The following KHDC4 variants were observed in gnomAD, a reference collection of about 807,000 sequenced individuals.
KHDC4 encodes the protein KH domain containing 4, pre-mRNA splicing factor.
In KHDC4, 19 loss-of-function variants were observed where a neutral mutation model predicts 74.5. The observed-to-expected ratio is 0.26, with a 90% confidence interval of 0.18 to 0.37. The LOEUF (loss-of-function observed/expected upper bound fraction) is 0.37, where lower values mean the gene tolerates loss of function less well. Ranked by LOEUF, KHDC4 falls within the 10% of genes least tolerant of loss-of-function variation. The pLI, the probability that KHDC4 is intolerant of heterozygous loss-of-function variation, is 1.00. For missense variants in KHDC4, 632 were observed against 754.1 expected, an observed-to-expected ratio of 0.84 and a Z score of 1.90; for synonymous variants, 253 against 266.1, an observed-to-expected ratio of 0.95 and a Z score of 0.48.
intron 6 of KHDC4, chr1:155,926,193 A>T (rs1673990377): frequency 4.3e-5 from 19 of 439,646 alleles, no homozygotes; most frequent in South Asian, 3.5e-4. Context: ...AATATGAAGA[A>T]ATGTGTGATC....
intron 6 of KHDC4, among the ~76,000 whole-genome samples, chr1:155,926,293 GA>G (rs142320762): frequency 1.5e-3 from 210 of 143,104 alleles, no homozygotes; most frequent in African/African-American, 5.2e-3. Context: ...GGAATTTCAC[GA>G]TTTTTTTTTC....
chr1:155,921,761 G>C, intron 9 of KHDC4, 100 bp downstream of exon 9: 19 of 1,401,788 alleles, frequency 1.4e-5, no homozygotes, highest in Non-Finnish European at 1.9e-5. Context: ...AAATTAAAGG[G>C]AACATTAATA....
intron 13 of KHDC4, 36 bp from the exon 14 acceptor site, chr1:155,914,356 C>A (rs765503320): frequency 6.8e-7 from 1 of 1,467,038 alleles, no homozygotes; most frequent in South Asian, 1.2e-5. Context: ...ACCCCATCCC[C>A]GCCAAGGGAA....
Position 155,925,807 on chromosome 1 carries a change from C to A in KHDC4, c.718G>T (p.Glu240Ter). ...ACATTAAAAGTGGGTACAGCATGTT[C>A]TAGACCCACAAATAATTTATCTTGA... is the stretch of plus-strand genomic sequence containing the variant. ...YVQDKLFVGL[E>*]HAVPTFNVKE... The change falls in exon 7 of 14, where the codon GAA becomes TAA. Residue 240 changes from glutamate to a stop codon, truncating the protein, a stop_gained. Transcript: ENST00000368321. LOFTEE classifies it high-confidence loss of function. 1 of 1,614,002 alleles carries A rather than the reference C, an allele frequency of 6.2e-7. No individual in the cohort carries two copies. The highest frequency in any genetic ancestry group is 1.1e-5 in the South Asian group (1 of 91,066).
intron 6 of KHDC4, chr1:155,926,325 CTT>C (rs34342755): frequency 0.013 from 2,280 of 173,942 alleles, 2 homozygotes; most frequent in African/African-American, 0.022. Flanking sequence ...TTACTTGGCA[CTT>C]TTTTTTTTTT....
At chr1:155,931,419 C>A (rs1432831231) in intron 2 of KHDC4, among the ~76,000 whole-genome samples, 2 of 151,960 alleles carry the variant, frequency 1.3e-5, no homozygotes, top group African/African-American at 2.4e-5. Context: ...ACATGGCAAA[C>A]CCATCTCTTC....
chr1:155,925,153 A>G (rs1262296154), intron 7 of KHDC4, among the ~76,000 whole-genome samples: 7 of 151,440 alleles, frequency 4.6e-5, no homozygotes, highest in Non-Finnish European at 1.0e-4. Flanking sequence ...CAGCCTCCTG[A>G]GTAGCTGGGA....
At chr1:155,919,060 T>C (rs1344866966) in intron 10 of KHDC4, among the ~76,000 whole-genome samples, 2 of 144,186 alleles carry the variant, frequency 1.4e-5, no homozygotes, top group Non-Finnish European at 3.0e-5. Context: ...CTCTGACTCC[T>C]GGGTTCAAGC....
At chr1:155,932,475 T>C (rs1305002598) in intron 2 of KHDC4, 1 of 152,150 alleles carries the variant, frequency 6.6e-6, no homozygotes, top group Non-Finnish European at 1.5e-5. Context: ...GGTTTTATGA[T>C]TCTAAATCCA....
rs2102594590 is a variant in KHDC4, at chr1:155,913,417, G to A, written c.*704C>T. On this transcript the variant is annotated 3_prime_UTR_variant, in exon 14 of 14. Transcript: ENST00000368321. Reference sequence around the variant, plus strand: ...AGTTCTGACCAGTTTTAGTCAAGAAGTTTTCTCTGACCCAGCTGAAGACAG... The same window carrying A: ...AGTTCTGACCAGTTTTAGTCAAGAAATTTTCTCTGACCCAGCTGAAGACAG... The A allele has an allele frequency of 6.6e-6, 1 of 152,488 alleles. No individual in the cohort carries two copies. Among genetic ancestry groups the A allele is most frequent in the Admixed American group, 6.5e-5 (1 of 15,292 alleles). 9.4% of individuals were successfully genotyped at this position (152,488 alleles called of 1,614,324 possible). A position where few individuals can be genotyped will look rare whatever the true frequency, so the allele number is the denominator to read the frequency against.
intron 2 of KHDC4, 29 bp from the exon 3 acceptor site, chr1:155,929,869 G>C (rs752987748): frequency 2.0e-6 from 3 of 1,499,220 alleles, no homozygotes; most frequent in East Asian, 2.4e-5. Context: ...AGATTAAAAA[G>C]TTTTTATGAT....
chr1:155,929,588 C>T, intron 3 of KHDC4, 124 bp downstream of exon 3: 1 of 1,180,660 alleles, frequency 8.5e-7, no homozygotes, highest in Non-Finnish European at 1.2e-6. Flanking sequence ...AAATTAAACC[C>T]AATCCTGACT....
intron 1 of KHDC4, 147 bp downstream of exon 1, chr1:155,934,189 A>C: frequency 1.1e-6 from 1 of 914,694 alleles, no homozygotes; most frequent in Non-Finnish European, 1.6e-6. Context: ...TAAGGGCCCC[A>C]GGCCTGCTCA....
rs1228468375 is a variant in KHDC4 at position 155,933,814 on chromosome 1, G to A, written c.74C>T (p.Pro25Leu). The A allele has an allele frequency of 1.3e-6, 2 of 1,588,380 alleles. No homozygotes were observed. Among genetic ancestry groups the A allele is most frequent in the Non-Finnish European group, 1.7e-6 (2 of 1,166,124 alleles). Residue 25 changes from proline to leucine, a missense_variant, in exon 2 of 14, where the codon CCA (proline) becomes CTA (leucine). Physicochemically the swap from Pro to Leu is moderately conservative, Grantham distance 98. Around this residue, in one of 4 missense-constraint regions of KHDC4, gnomAD observed 104 missense variants for 78.1 expected, o/e 1.33. Coordinates refer to ENST00000368321, the MANE Select transcript of KHDC4 (RefSeq NM_014949.4). ...RSKWDQPAPA[P>L]LLFLPPAAPG... ...GGCCGCTGGCGGGAGGAAGAGAAGT[G>A]GGGCTGGAGCTGGTTGGTCCCATTT...
chr1:155,929,361 A>G lies in KHDC4; in HGVS notation c.399T>C (p.Ser133=). 5.6e-6 allele frequency: 9 copies of G among 1,613,626 alleles called. No individual in the cohort carries two copies. The highest frequency in any genetic ancestry group is 6.8e-6 in the Non-Finnish European group (8 of 1,179,766). The change falls in exon 4 of 14, where the codon AGT becomes AGC. Residue 133 remains serine, a synonymous_variant. Transcript: ENST00000368321. ...TCCCTCGAGTTGATACTGCAGCCCC[A>G]CTAAGTCGGCTGATCTAAAAAAGGA... is the stretch of plus-strand genomic sequence containing the variant. The part of the protein sequence containing the change: ...GQTQDEISRL[S]GAAVSTRGRF...
chr1:155,914,476 G>A, intron 13 of KHDC4, 156 bp from the exon 14 acceptor site: 1 of 606,700 alleles, frequency 1.6e-6, no homozygotes, highest in Non-Finnish European at 2.9e-6. Context: ...AAACGTTGAA[G>A]ATCACACGAA....
rs376340342 is a variant in KHDC4, at chr1:155,921,659, G to T, written c.1013-31C>A. 4.4e-6 allele frequency: 7 copies of T among 1,598,172 alleles called. No individual in the cohort carries two copies. The African/African-American group carries it at 9.4e-5, about 21-fold the overall frequency. ...GGGGAAGAAAAAAAGTGTTTAATCAGCTGCAGCAGAATGAGACAATTTAGC... is the reference window on the plus strand; with the variant it reads ...GGGGAAGAAAAAAAGTGTTTAATCATCTGCAGCAGAATGAGACAATTTAGC... On this transcript the variant is annotated intron_variant, in intron 9 of 13. Coordinates refer to ENST00000368321, the MANE Select transcript of KHDC4 (RefSeq NM_014949.4).
rs764773183 is a variant in KHDC4 at position 155,926,722 on chromosome 1, G to A, written c.635C>T (p.Ala212Val). 4 of 1,614,176 alleles carry A rather than the reference G, an allele frequency of 2.5e-6. No individual in the cohort carries two copies. Among genetic ancestry groups the A allele is most frequent in the East Asian group, 4.5e-5 (2 of 44,886 alleles). The part of the protein sequence containing the change: ...VTVYHQPAPI[A>V]QLSPAVSQKP... ...CTGGCTAACAGCTGGAGACAACTGAGCGATGGGTGCTGGCTGGTGATAGAC... is the reference window on the plus strand; with the variant it reads ...CTGGCTAACAGCTGGAGACAACTGAACGATGGGTGCTGGCTGGTGATAGAC... The change falls in exon 6 of 14, where the codon GCT becomes GTT. Residue 212 changes from alanine to valine, a missense_variant. Ala to Val is a moderately conservative substitution (Grantham distance 64). Around this residue, in one of 4 missense-constraint regions of KHDC4, gnomAD observed 233 missense variants for 342.6 expected, o/e 0.68. Transcript: ENST00000368321.
chr1:155,925,430 G>C (rs1344050761), intron 7 of KHDC4, among the ~76,000 whole-genome samples: 1 of 152,122 alleles, frequency 6.6e-6, no homozygotes, highest in Non-Finnish European at 1.5e-5. Context: ...GCCTCCAGAA[G>C]TGTTGGGATT....
Sources: gnomAD v4.1 joint callset for allele counts (sites outside exome capture counted in the v4.1 genomes callset) on GRCh38, gnomAD v4.1.1 for gene constraint, gnomAD v4.1.1 regional missense constraint, MANE v1.5 for transcripts, NCBI Gene and HGNC (gene_info 2026-07-23, HGNC 2026-07-21) for gene names.